The following PHRF1 variants were observed in gnomAD, a reference collection of about 807,000 sequenced individuals.
The protein encoded by PHRF1 is PHD and RING finger domain-containing protein 1.
A neutral mutation model predicts 128.9 loss-of-function variants in PHRF1; 53 were observed. The ratio of observed to expected loss-of-function variants is 0.41; its 90% confidence interval spans 0.33 to 0.52. PHRF1 has a LOEUF of 0.52. Ranked by LOEUF, PHRF1 falls within the 20% of genes least tolerant of loss-of-function variation. The probability of loss-of-function intolerance (pLI) is 0.21; values close to 1 mark genes in which losing one functional copy is unlikely to be tolerated. For missense variants in PHRF1, 2,503 were observed against 2,284.5 expected (o/e 1.10, Z -1.95); for synonymous variants, 1,178 against 980.6 (o/e 1.20, Z -3.76).
chr11:607,083 C>T lies in PHRF1; in HGVS notation c.1627C>T (p.Arg543Ter). The T allele has an allele frequency of 6.4e-7, 1 of 1,554,502 alleles. No individual in the cohort carries two copies. Among genetic ancestry groups the T allele is most frequent in the South Asian group, 1.2e-5 (1 of 85,546 alleles). The change falls in exon 14 of 18, where the codon CGA (arginine) becomes TGA (stop). Residue 543 changes from arginine to a stop codon, truncating the protein, a stop_gained. Coordinates refer to ENST00000264555, the MANE Select transcript of PHRF1 (RefSeq NM_001286581.2). LOFTEE classifies it high-confidence loss of function. The stretch of plus-strand genomic sequence containing the variant: ...TTTTTTAGCTCCAGTTTCTTTTCAG[C>T]GAAACTCAGGCAGTCTGTCCAGAGG... ...AKRAAPVSFQ[R>*]NSGSLSRGEE... is the part of the protein sequence containing the mutation.
At chr11:578,935 C>T (rs1854046529) in intron 1 of PHRF1, among the ~76,000 whole-genome samples, 1 of 152,088 alleles carries the variant, frequency 6.6e-6, no homozygotes, top group Non-Finnish European at 1.5e-5. Context: ...CTGCAACCTC[C>T]GCCTGCCAGG....
chr11:578,083 G>C (rs1265986152), intron 1 of PHRF1, among the ~76,000 whole-genome samples: 1 of 152,178 alleles, frequency 6.6e-6, no homozygotes, highest in Non-Finnish European at 1.5e-5. Context: ...GGTGGGTATG[G>C]GGAAGGGAAG....
chr11:606,654 T>TC, intron 13 of PHRF1, 58 bp downstream of exon 13: 1 of 1,538,046 alleles, frequency 6.5e-7, no homozygotes, highest in East Asian at 2.3e-5. Flanking sequence ...CTCAGGCTGT[T>TC]CGCAAGCACT....
intron 3 of PHRF1, among the ~76,000 whole-genome samples, chr11:586,574 T>C (rs1854578520): frequency 6.6e-6 from 1 of 152,230 alleles, no homozygotes; most frequent in African/African-American, 2.4e-5. Flanking sequence ...ACTTGTGTTC[T>C]GTTTACTTTA....
At chr11:584,807 G>A (rs921675321) in intron 3 of PHRF1, among the ~76,000 whole-genome samples, 7 of 141,560 alleles carry the variant, frequency 4.9e-5, no homozygotes, top group Admixed American at 4.7e-4. Context: ...GCGCAATCTC[G>A]GCTCACTGCA....
intron 10 of PHRF1, among the ~76,000 whole-genome samples, chr11:604,238 T>G (rs908098265): frequency 6.6e-6 from 1 of 152,214 alleles, no homozygotes; most frequent in Non-Finnish European, 1.5e-5. Context: ...CTGAGCTTTT[T>G]GTCCTGCATG....
intron 1 of PHRF1, among the ~76,000 whole-genome samples, chr11:580,471 C>T (rs1398791888): frequency 2.6e-5 from 4 of 152,188 alleles, no homozygotes; most frequent in Admixed American, 2.0e-4. Context: ...CTTCTGCCTC[C>T]TCAGCTCTGG....
chr11:608,826 T>C lies in PHRF1; in HGVS notation c.3370T>C (p.Ser1124Pro). The C allele has an allele frequency of 6.2e-7, 1 of 1,611,470 alleles. No individual in the cohort carries two copies. Among genetic ancestry groups the C allele is most frequent in the Non-Finnish European group, 8.5e-7 (1 of 1,179,696 alleles). Residue 1124 changes from serine to proline, a missense_variant, in exon 14 of 18, where the codon TCC becomes CCC. Coordinates refer to ENST00000264555, the MANE Select transcript of PHRF1 (RefSeq NM_001286581.2). ...SASRPRGREC[S>P]PTSSLERLCR... ...GTCCAGACCTCGGGGAAGGGAGTGC[T>C]CCCCCACCAGCAGCCTGGAGAGGCT...
chr11:592,492 T>G, intron 5 of PHRF1, 67 bp from the exon 6 acceptor site: 1 of 1,498,716 alleles, frequency 6.7e-7, no homozygotes, highest in Admixed American at 1.7e-5. Flanking sequence ...TTAACTGCGT[T>G]TCACGCTGGG....
Position 607,121 on chromosome 11 carries a change from C to A in PHRF1, c.1665C>A (p.Phe555Leu), listed in dbSNP as rs777704984. 1.2e-6 allele frequency: 2 copies of A among 1,611,442 alleles called. No individual in the cohort carries two copies. The highest frequency in any genetic ancestry group is 1.7e-4 in the Middle Eastern group (1 of 6,044). ...SGSLSRGEEG[F>L]KGCLQPRALP... ...GTCTGTCCAGAGGGGAAGAAGGATT[C>A]AAGGGCTGCCTGCAGCCCCGAGCAC... The change falls in exon 14 of 18, where the codon TTC becomes TTA. Residue 555 changes from phenylalanine (F) to leucine (L), a missense_variant. Phe to Leu is a conservative substitution (Grantham distance 22, BLOSUM62 0). Coordinates refer to ENST00000264555, the MANE Select transcript of PHRF1 (RefSeq NM_001286581.2).
chr11:579,984 G>A (rs1854113285), intron 1 of PHRF1, among the ~76,000 whole-genome samples: 1 of 152,234 alleles, frequency 6.6e-6, no homozygotes, highest in Non-Finnish European at 1.5e-5. Flanking sequence ...TGTGGTACAT[G>A]TGCAGCCCAC....
Position 601,645 on chromosome 11 carries a change from A to G in PHRF1, c.1096A>G (p.Thr366Ala), listed in dbSNP as rs1201096324. The G allele has an allele frequency of 1.9e-6, 3 of 1,613,854 alleles. No individual in the cohort carries two copies. Among genetic ancestry groups the G allele is most frequent in the Non-Finnish European group, 2.5e-6 (3 of 1,179,884 alleles). The change falls in exon 10 of 18, where the codon ACA (threonine) becomes GCA (alanine). Residue 366 changes from threonine to alanine, a missense_variant. By Grantham distance (58) the Thr-to-Ala change is moderately conservative. Coordinates refer to ENST00000264555, the MANE Select transcript of PHRF1 (RefSeq NM_001286581.2). ...ATCCGCAAAAAGTAAGAGCTCAGCG[A>G]CAAGATCTAAGAAACGCCAACATCG... ...GPSAKSKSSA[T>A]RSKKRQHRVK...
intron 1 of PHRF1, among the ~76,000 whole-genome samples, chr11:578,847 G>A (rs917313918): frequency 6.6e-6 from 1 of 152,052 alleles, no homozygotes; most frequent in Non-Finnish European, 1.5e-5. Flanking sequence ...CACCACGCCC[G>A]GCTGATTCAC....
At chr11:581,666 C>T in intron 2 of PHRF1, 60 bp downstream of exon 2, 1 of 1,466,606 alleles carries the variant, frequency 6.8e-7, no homozygotes, top group Non-Finnish European at 9.2e-7. Flanking sequence ...CTGGTGTTTC[C>T]CTTTGGAGGT....
intron 6 of PHRF1, among the ~76,000 whole-genome samples, chr11:595,570 G>T (rs139741487): frequency 6.6e-6 from 1 of 152,154 alleles, no homozygotes; most frequent in African/African-American, 2.4e-5. Context: ...GGCAGGTCTC[G>T]GCAGCCCTCC....
chr11:601,598 G>A lies in PHRF1; in HGVS notation c.1049G>A (p.Arg350Lys). 6.2e-7 allele frequency: 1 copy of A among 1,613,712 alleles called. No individual in the cohort carries two copies. The highest frequency in any genetic ancestry group is 1.1e-5 in the South Asian group (1 of 91,078). Residue 350 changes from arginine to lysine, a missense_variant, in exon 10 of 18, where the codon AGA (arginine) becomes AAA (lysine). Coordinates refer to ENST00000264555, the MANE Select transcript of PHRF1 (RefSeq NM_001286581.2). The part of the protein sequence containing the change: ...KTRRRKKVPG[R>K]KKTPSGPSAK... ...GGAAGACGGAAGAAAGTGCCGGGAA[G>A]AAAGAAAACCCCGTCCGGACCATCC...
chr11:595,892 C>T (rs959394644), intron 6 of PHRF1, among the ~76,000 whole-genome samples: 4 of 152,174 alleles, frequency 2.6e-5, no homozygotes, highest in Non-Finnish European at 4.4e-5. Context: ...CCCCACCCGC[C>T]GCCCCCCTCT....
intron 1 of PHRF1, among the ~76,000 whole-genome samples, chr11:578,334 C>T (rs758551679): frequency 2.6e-5 from 4 of 152,220 alleles, no homozygotes; most frequent in Non-Finnish European, 5.9e-5. Context: ...CCTGAACGTT[C>T]CTGCTGCTGT....
chr11:612,144 T>G lies in PHRF1; in HGVS notation c.*367T>G. On this transcript the variant is annotated 3_prime_UTR_variant, in exon 18 of 18. Coordinates refer to ENST00000264555, the MANE Select transcript of PHRF1 (RefSeq NM_001286581.2). ...GGTGGGGTGGCGCGTCCTTGATAAA[T>G]CTCTAGGTGGCCTCCCGCCAACAGC... 2.9e-6 allele frequency: 1 copy of G among 339,052 alleles called. No individual in the cohort carries two copies. The highest frequency in any genetic ancestry group is 5.4e-6 in the Non-Finnish European group (1 of 184,676). 21.0% of individuals were successfully genotyped at this position (339,052 alleles called of 1,614,324 possible).
Sources: allele counts gnomAD v4.1 joint callset (sites outside exome capture counted in the v4.1 genomes callset), GRCh38; gene constraint gnomAD v4.1.1; transcripts MANE v1.5; gene names NCBI Gene and HGNC (gene_info 2026-07-23, HGNC 2026-07-21).